Variants in RMDN2 observed in about 807,000 individuals in gnomAD.
The protein encoded by RMDN2 is regulator of microtubule dynamics protein 2.
A neutral mutation model predicts 52.8 loss-of-function variants in RMDN2; 61 were observed. The observed-to-expected ratio is 1.16, with a 90% confidence interval of 0.94 to 1.43. The LOEUF (loss-of-function observed/expected upper bound fraction) is 1.43. Among genes scored for constraint, RMDN2 ranks in the 40% most tolerant of loss-of-function variants. The pLI, the probability that RMDN2 is intolerant of heterozygous loss-of-function variation, is 0.00. For synonymous variants in RMDN2, 180 were observed against 153.1 expected, an observed-to-expected ratio of 1.18 and a Z score of -1.30; for missense variants, 592 against 475.3, an observed-to-expected ratio of 1.25 and a Z score of -2.28.
At chr2:37,952,120 C>A (rs367935058) in intron 2 of RMDN2, 5 of 1,613,078 alleles carry the variant, frequency 3.1e-6, no homozygotes, top group African/African-American at 2.7e-5. Context: ...GAATTAACTT[C>A]AGGCCTGTTT....
chr2:37,949,929 G>A lies in RMDN2; in HGVS notation c.452+20200G>A, dbSNP rs17021769. The A allele has an allele frequency of 6.5e-3, 1,034 of 159,596 alleles. 6 individuals are homozygous for A. Among genetic ancestry groups the A allele is most frequent in the African/African-American group, 0.023 (974 of 41,534 alleles). 9.9% of individuals were successfully genotyped at this position (159,596 alleles called of 1,614,324 possible). The stretch of plus-strand genomic sequence containing the variant: ...CAGTTGTTCTGAGGAGTGATAAATA[G>A]TGCCACAGCATATCCCCGTAATCTG... On this transcript the variant is annotated intron_variant, in intron 2 of 10. Coordinates refer to ENST00000354545, the MANE Select transcript of RMDN2 (RefSeq NM_001170791.3).
rs1412331037 is a variant in RMDN2 at position 38,003,963 on chromosome 2, ATTCTCTCATGTTT to A, written c.1045-19_1045-7del. ...ACTGTTATTTTAATATTGCCCTGTTATTCTCTCATGTTTTTCTCTCAAATCAGGCTGAAGAACT... is the reference window on the plus strand; with the variant it reads ...ACTGTTATTTTAATATTGCCCTGTTATTCTCTCAAATCAGGCTGAAGAACT... On this transcript the variant is annotated splice_polypyrimidine_tract_variant and intron_variant, in intron 8 of 10. Transcript: ENST00000354545. 1 of 1,540,256 alleles carries A rather than the reference ATTCTCTCATGTTT, an allele frequency of 6.5e-7. No individual in the cohort carries two copies. Among genetic ancestry groups the A allele is most frequent in the Non-Finnish European group, 9.0e-7 (1 of 1,113,394 alleles).
intron 8 of RMDN2, among the ~76,000 whole-genome samples, chr2:38,003,546 T>TGATAGATAGATAGATAGATAGATAGATA (rs57530338): frequency 1.2e-4 from 16 of 132,376 alleles, no homozygotes; most frequent in Admixed American, 1.5e-4. Context: ...AAGCAAGACC[T>TGATAGATAGATAGATAGATAGATAGATA]GATAGATAGA....
At chr2:38,047,285 T>C (rs1210101216) in intron 10 of RMDN2, among the ~76,000 whole-genome samples, 1 of 152,152 alleles carries the variant, frequency 6.6e-6, no homozygotes, top group African/African-American at 2.4e-5. Context: ...AAAATAATTC[T>C]CTATAAATAT....
intron 10 of RMDN2, among the ~76,000 whole-genome samples, chr2:38,061,279 A>G (rs1035164031): frequency 6.6e-6 from 1 of 152,082 alleles, no homozygotes; most frequent in African/African-American, 2.4e-5. Flanking sequence ...TCCAAGGGGA[A>G]GATGATTGGA....
chr2:38,063,998 G>A (rs541413177), intron 10 of RMDN2, among the ~76,000 whole-genome samples: 2 of 151,288 alleles, frequency 1.3e-5, no homozygotes, highest in East Asian at 3.9e-4. Flanking sequence ...GTGTGTGTGT[G>A]TATATATACA....
At chr2:37,988,842 C>G (rs900663634) in intron 5 of RMDN2, among the ~76,000 whole-genome samples, 4 of 152,032 alleles carry the variant, frequency 2.6e-5, no homozygotes, top group Non-Finnish European at 5.9e-5. Context: ...AATTGCTGAA[C>G]AAATATTGCA....
upstream of RMDN2, chr2:37,923,392 C>G (rs942718552): frequency 6.6e-6 from 1 of 152,168 alleles, no homozygotes; most frequent in Non-Finnish European, 1.5e-5. Context: ...ACAGCCCATA[C>G]GTCACATTTT....
intron 8 of RMDN2, among the ~76,000 whole-genome samples, chr2:38,003,541 A>AT (rs1676595151): frequency 2.6e-5 from 3 of 115,786 alleles, no homozygotes; most frequent in African/African-American, 9.0e-5. Flanking sequence ...CAACAAAGCA[A>AT]GACCTGATAG....
intron 7 of RMDN2, among the ~76,000 whole-genome samples, chr2:37,993,332 T>C (rs956721440): frequency 2.0e-5 from 3 of 152,186 alleles, no homozygotes; most frequent in Non-Finnish European, 4.4e-5. Flanking sequence ...GTTGGAACTC[T>C]TTCCACCAGG....
chr2:37,976,789 T>C (rs570447789), intron 4 of RMDN2, among the ~76,000 whole-genome samples: 1 of 152,326 alleles, frequency 6.6e-6, no homozygotes, highest in African/African-American at 2.4e-5. Context: ...AATCCAAGTA[T>C]ATCTATGTAA....
In RMDN2 at chr2:38,017,496, C is replaced by A; in HGVS notation, c.*257C>A. On this transcript the variant is annotated 3_prime_UTR_variant, in exon 11 of 11. Transcript: ENST00000354545. Reference sequence around the variant, plus strand: ...TTATATTTTTCTTATCAATAAACTGCAGCCTTAAGAATATTTCTTTAAATA... The same window carrying A: ...TTATATTTTTCTTATCAATAAACTGAAGCCTTAAGAATATTTCTTTAAATA... 9.3e-7 allele frequency: 1 copy of A among 1,079,182 alleles called. No homozygotes were observed. Among genetic ancestry groups the A allele is most frequent in the South Asian group, 1.7e-5 (1 of 58,838 alleles). 66.9% of individuals were successfully genotyped at this position (1,079,182 alleles called of 1,614,324 possible).
At chr2:38,064,415 G>A (rs1682184491) in intron 10 of RMDN2, among the ~76,000 whole-genome samples, 7 of 148,334 alleles carry the variant, frequency 4.7e-5, no homozygotes, top group Admixed American at 4.0e-4. Flanking sequence ...ACTTGAACCT[G>A]GGAGGCGGAG....
chr2:37,921,466 T>C (rs1263459576), upstream of RMDN2, among the ~76,000 whole-genome samples: 3 of 152,192 alleles, frequency 2.0e-5, no homozygotes, highest in African/African-American at 7.2e-5. Context: ...CACAAAGTAA[T>C]TTTATACTCT....
chr2:38,015,489 C>T (rs1366509852), intron 10 of RMDN2, among the ~76,000 whole-genome samples: 4 of 150,298 alleles, frequency 2.7e-5, no homozygotes, highest in African/African-American at 7.4e-5. Flanking sequence ...CACTTGAACC[C>T]GGAAGGCGGA....
intron 2 of RMDN2, chr2:37,951,651 C>T (rs138663377): frequency 5.6e-6 from 9 of 1,613,042 alleles, no homozygotes; most frequent in Non-Finnish European, 6.8e-6. Context: ...TTTTTTTGAT[C>T]CTCAAGCAAG....
chr2:38,004,079 T>A, intron 9 of RMDN2, 35 bp downstream of exon 9: 1 of 1,607,422 alleles, frequency 6.2e-7, no homozygotes, highest in Non-Finnish European at 8.5e-7. Flanking sequence ...TAAGATCACT[T>A]TGAACCTATC....
intron 8 of RMDN2, among the ~76,000 whole-genome samples, chr2:38,001,435 G>T (rs781532263): frequency 3.9e-5 from 6 of 152,168 alleles, no homozygotes; most frequent in Non-Finnish European, 5.9e-5. Flanking sequence ...TTTTGTGAAA[G>T]GTCAGAATCT....
intron 2 of RMDN2, among the ~76,000 whole-genome samples, chr2:37,942,211 C>T (rs932705621): frequency 3.9e-5 from 6 of 152,164 alleles, no homozygotes; most frequent in South Asian, 2.1e-4. Context: ...CCGGCTTCAC[C>T]TCACCCTCCA....
Sources: allele counts gnomAD v4.1 joint callset (sites outside exome capture counted in the v4.1 genomes callset), GRCh38; gene constraint gnomAD v4.1.1; transcripts MANE v1.5; gene names NCBI Gene and HGNC (gene_info 2026-07-23, HGNC 2026-07-21).